ST3GAL3: variants seen among roughly 807,000 people sequenced by gnomAD.
The protein encoded by ST3GAL3 is CMP-N-acetylneuraminate-beta-1,4-galactoside alpha-2,3-sialyltransferase.
A neutral mutation model predicts 50.1 loss-of-function variants in ST3GAL3; 21 were observed. The ratio of observed to expected loss-of-function variants is 0.42; its 90% CI spans 0.30 to 0.60. The LOEUF is 0.60. Ranked by LOEUF, ST3GAL3 falls within the 20% of genes least tolerant of loss-of-function variation. ST3GAL3 has a pLI of 0.19. For missense variants in ST3GAL3, 353 were observed against 489.4 expected (o/e 0.72, Z 2.63); for synonymous variants, 183 against 190.0 (o/e 0.96, Z 0.30).
rs554358443 is a variant in ST3GAL3, at chr1:43,709,169, T to C, written c.-31+1476T>C. Among the ~76,000 whole-genome samples, 5 of 152,146 alleles carry C rather than the reference T, an allele frequency of 3.3e-5. No homozygotes were observed. In the South Asian group the frequency reaches 1.0e-3, roughly 32 times the overall value. On this transcript the variant is annotated intron_variant, in intron 1 of 11. Transcript: ENST00000347631. ...GATGAGAAAGTGAGGATGACAAAGG[T>C]GCAGGGGAACCTGAGATGCTCATGG...
At chr1:43,869,972 A>G (rs1053768713) in intron 5 of ST3GAL3, among the ~76,000 whole-genome samples, 1 of 152,142 alleles carries the variant, frequency 6.6e-6, no homozygotes, top group African/African-American at 2.4e-5. Flanking sequence ...CAGTTGCCTT[A>G]TGCTTCCCTA....
chr1:43,755,000 G>C (rs1189328204), intron 2 of ST3GAL3, among the ~76,000 whole-genome samples: 1 of 152,006 alleles, frequency 6.6e-6, no homozygotes, highest in Non-Finnish European at 1.5e-5. Flanking sequence ...AACCTTAAAG[G>C]CAAACATTGT....
chr1:43,796,113 A>G (rs1373516050), intron 3 of ST3GAL3, among the ~76,000 whole-genome samples: 1 of 152,204 alleles, frequency 6.6e-6, no homozygotes, highest in African/African-American at 2.4e-5. Flanking sequence ...AGGCCCTTCA[A>G]GCACCTAAAA....
chr1:43,711,802 T>A (rs1664900038), intron 1 of ST3GAL3, among the ~76,000 whole-genome samples: 1 of 152,236 alleles, frequency 6.6e-6, no homozygotes, highest in African/African-American at 2.4e-5. Context: ...CAGCAATGGT[T>A]CTGAGATAGC....
chr1:43,868,582 T>G (rs906951785), intron 5 of ST3GAL3, among the ~76,000 whole-genome samples: 2 of 152,148 alleles, frequency 1.3e-5, no homozygotes, highest in Admixed American at 1.3e-4. Flanking sequence ...ACTGGGCAGT[T>G]CTTCCTGGAA....
At chr1:43,792,723 TCAG>T (rs2058233289) in intron 3 of ST3GAL3, among the ~76,000 whole-genome samples, 1 of 152,172 alleles carries the variant, frequency 6.6e-6, no homozygotes. Context: ...GACACACAGA[TCAG>T]CACACCTGCC....
At chr1:43,926,533 G>GAGCAGAGGTTGCAGTT (rs1553145879) in intron 11 of ST3GAL3, among the ~76,000 whole-genome samples, 1 of 151,158 alleles carries the variant, frequency 6.6e-6, no homozygotes, top group Non-Finnish European at 1.5e-5. Flanking sequence ...AGGTTGCAGT[G>GAGCAGAGGTTGCAGTT]AGCCGAGGTT....
intron 2 of ST3GAL3, among the ~76,000 whole-genome samples, chr1:43,783,970 A>T (rs1203932120): frequency 6.6e-6 from 1 of 152,146 alleles, no homozygotes; most frequent in Non-Finnish European, 1.5e-5. Context: ...GTCTAAATAG[A>T]TTGTATGGAC....
Position 43,930,305 on chromosome 1 carries a change from G to A in ST3GAL3, c.*84G>A. On this transcript the variant is annotated 3_prime_UTR_variant, in exon 12 of 12. Coordinates refer to ENST00000347631, the MANE Select transcript of ST3GAL3 (RefSeq NM_006279.5). ...ACCTACACAGGAGTCTTCAGACCCA[G>A]AGAAGGACGGTGCCAAGGGCCCCAG... The A allele has an allele frequency of 7.3e-7, 1 of 1,365,904 alleles. No individual in the cohort carries two copies. The highest frequency in any genetic ancestry group is 1.0e-6 in the Non-Finnish European group (1 of 961,894). 84.6% of individuals were successfully genotyped at this position (1,365,904 alleles called of 1,614,324 possible).
intron 1 of ST3GAL3, among the ~76,000 whole-genome samples, chr1:43,730,567 CT>C (rs1456775704): frequency 7.5e-6 from 1 of 134,020 alleles, no homozygotes; most frequent in Non-Finnish European, 1.6e-5. Context: ...CTTTTCTTTT[CT>C]TTCTTTTTTT....
At chr1:43,814,687 T>TA (rs2154176975) in intron 3 of ST3GAL3, among the ~76,000 whole-genome samples, 1 of 152,366 alleles carries the variant, frequency 6.6e-6, no homozygotes, top group African/African-American at 2.4e-5. Flanking sequence ...GCATAGGAAA[T>TA]ACCTGGCATT....
chr1:43,762,981 A>G (rs952928706), intron 2 of ST3GAL3, among the ~76,000 whole-genome samples: 8 of 152,194 alleles, frequency 5.3e-5, no homozygotes, highest in Non-Finnish European at 1.2e-4. Context: ...GTGCAAAGGC[A>G]TGTATGTGCC....
intron 2 of ST3GAL3, among the ~76,000 whole-genome samples, chr1:43,783,353 C>T (rs1206340874): frequency 6.6e-6 from 1 of 152,144 alleles, no homozygotes; most frequent in Non-Finnish European, 1.5e-5. Flanking sequence ...CAGGCTGGCT[C>T]CTTTCAGTAG....
chr1:43,915,305 C>T (rs2081600030), intron 9 of ST3GAL3, among the ~76,000 whole-genome samples: 1 of 152,230 alleles, frequency 6.6e-6, no homozygotes, highest in Admixed American at 6.5e-5. Flanking sequence ...ACGCCCTGGG[C>T]TACAGAGGTG....
intron 5 of ST3GAL3, among the ~76,000 whole-genome samples, chr1:43,881,451 C>T (rs1290117479): frequency 6.6e-6 from 1 of 152,278 alleles, no homozygotes; most frequent in East Asian, 1.9e-4. Context: ...CCTCTGCAGA[C>T]AATCTGGCCA....
chr1:43,753,947 T>C (rs550707444), intron 2 of ST3GAL3, among the ~76,000 whole-genome samples: 1 of 152,266 alleles, frequency 6.6e-6, no homozygotes, highest in Admixed American at 6.5e-5. Context: ...TAACTTACTG[T>C]CTCCTCTCTC....
intron 1 of ST3GAL3, among the ~76,000 whole-genome samples, chr1:43,721,604 CTTTTT>C (rs1033985637): frequency 6.7e-6 from 1 of 150,280 alleles, no homozygotes; most frequent in South Asian, 2.1e-4. Context: ...GTGCCTGGCT[CTTTTT>C]TTGTTTTGTT....
rs942865331 is a variant in ST3GAL3, at chr1:43,899,416, G to T, written c.558-125G>T. On this transcript the variant is annotated intron_variant, in intron 8 of 11. Coordinates refer to ENST00000347631, the MANE Select transcript of ST3GAL3 (RefSeq NM_006279.5). The surrounding 1 kb of genome is among the most constrained non-coding windows in gnomAD (Gnocchi z 5.4). The stretch of plus-strand genomic sequence containing the variant: ...GAGGGCTTTGGAACAGACAACTAGC[G>T]GGGGCACCTGGGGAGAATAGGTCCA... 7 of 1,568,632 alleles carry T rather than the reference G, an allele frequency of 4.5e-6. No homozygotes were observed. The highest frequency in any genetic ancestry group is 1.4e-5 in the African/African-American group (1 of 73,886).
At chr1:43,726,061 T>C (rs1472100212) in intron 1 of ST3GAL3, among the ~76,000 whole-genome samples, 2 of 152,138 alleles carry the variant, frequency 1.3e-5, no homozygotes, top group African/African-American at 4.8e-5. Context: ...CATTTAGATG[T>C]TTATTTGAAC....
Sources: allele counts gnomAD v4.1 joint callset (sites outside exome capture counted in the v4.1 genomes callset), GRCh38; gene constraint gnomAD v4.1.1; non-coding constraint Gnocchi (gnomAD v3.1); transcripts MANE v1.5; gene names NCBI Gene and HGNC (gene_info 2026-07-23, HGNC 2026-07-21).